Variants in OPCML observed in about 807,000 individuals in gnomAD.
The protein encoded by OPCML is opioid-binding protein/cell adhesion molecule.
In OPCML, 13 loss-of-function variants were observed where a neutral mutation model predicts 37.8. The observed-to-expected ratio is 0.34, with a 90% CI of 0.22 to 0.55. The LOEUF (loss-of-function observed/expected upper bound fraction) is 0.55. Ranked by LOEUF, OPCML falls within the 20% of genes least tolerant of loss-of-function variation. The pLI is 0.91. For synonymous variants in OPCML, 176 were observed against 168.8 expected (o/e 1.04, Z -0.33); for missense variants, 341 against 435.6 (o/e 0.78, Z 1.93).
intron 1 of OPCML, among the ~76,000 whole-genome samples, chr11:133,384,090 T>C (rs1040085592): frequency 6.6e-6 from 1 of 151,902 alleles, no homozygotes; most frequent in South Asian, 2.1e-4. Flanking sequence ...TAAAAACAGA[T>C]ACATACGCCT....
chr11:132,980,658 G>A (rs1591875039), intron 1 of OPCML, among the ~76,000 whole-genome samples: 5 of 152,094 alleles, frequency 3.3e-5, no homozygotes, highest in Admixed American at 1.3e-4. Flanking sequence ...AAGGATGTAC[G>A]TTTCCATCTC....
intron 1 of OPCML, among the ~76,000 whole-genome samples, chr11:133,127,900 C>T (rs532833357): frequency 4.6e-5 from 7 of 152,022 alleles, no homozygotes; most frequent in Middle Eastern, 3.4e-3. Flanking sequence ...CTCTGAGTGA[C>T]GGGTCTGGTT....
In OPCML at chr11:132,898,170, G is replaced by A. The variant is rs186073853; in HGVS notation, c.146+44756C>T. 2.0e-4 allele frequency among the ~76,000 whole-genome samples: 30 copies of A among 152,288 alleles called. No individual in the cohort carries two copies. In the East Asian group the frequency reaches 2.5e-3, roughly 13 times the overall value. On this transcript the variant is annotated intron_variant, in intron 2 of 7. Coordinates refer to ENST00000524381, the MANE Select transcript of OPCML (RefSeq NM_001012393.5). ...CAGTTGGCCTGTTGCAGAGACCAAC[G>A]CTGAAACCCTGACATGACATCATTC...
At chr11:132,569,260 A>C (rs1477636348) in intron 3 of OPCML, among the ~76,000 whole-genome samples, 1 of 152,242 alleles carries the variant, frequency 6.6e-6, no homozygotes, top group Non-Finnish European at 1.5e-5. Flanking sequence ...CCGTGTCCTC[A>C]TAAGAAGAGG....
At chr11:133,098,855 T>C (rs78356606) in intron 1 of OPCML, among the ~76,000 whole-genome samples, 3,213 of 152,106 alleles carry the variant, frequency 0.021, 84 homozygotes, top group African/African-American at 0.063. Flanking sequence ...ATAATGCATA[T>C]AGATGGGGAA....
At chr11:132,532,930 A>C (rs2096329997) in intron 3 of OPCML, among the ~76,000 whole-genome samples, 1 of 152,204 alleles carries the variant, frequency 6.6e-6, no homozygotes, top group Admixed American at 6.5e-5. Context: ...TTTGTGAAGA[A>C]AGGAACACTT....
intron 2 of OPCML, among the ~76,000 whole-genome samples, chr11:132,799,207 T>A (rs1254897819): frequency 1.3e-5 from 2 of 152,072 alleles, no homozygotes; most frequent in Non-Finnish European, 2.9e-5. Flanking sequence ...AGCTTTTTCA[T>A]CTACATTGAA....
chr11:132,866,869 T>C (rs1942583191), intron 2 of OPCML, among the ~76,000 whole-genome samples: 1 of 152,238 alleles, frequency 6.6e-6, no homozygotes, highest in African/African-American at 2.4e-5. Flanking sequence ...GTACTTTGAC[T>C]TCAAGTCCCT....
chr11:132,511,277 C>T (rs1425828744), intron 4 of OPCML, among the ~76,000 whole-genome samples: 1 of 151,812 alleles, frequency 6.6e-6, no homozygotes, highest in Non-Finnish European at 1.5e-5. Context: ...AAAAATTAGC[C>T]AAGACTTAAT....
At chr11:133,311,985 G>A (rs532541539) in intron 1 of OPCML, among the ~76,000 whole-genome samples, 13 of 152,090 alleles carry the variant, frequency 8.5e-5, no homozygotes, top group Non-Finnish European at 1.8e-4. Flanking sequence ...TATTCACTCT[G>A]CTGCAGAATG....
intron 1 of OPCML, among the ~76,000 whole-genome samples, chr11:133,306,276 A>G (rs1450267610): frequency 6.6e-6 from 1 of 152,212 alleles, no homozygotes; most frequent in Non-Finnish European, 1.5e-5. Flanking sequence ...TGGAAATACC[A>G]TAATGACGCA....
chr11:132,866,200 G>A (rs1942542683), intron 2 of OPCML, among the ~76,000 whole-genome samples: 1 of 152,142 alleles, frequency 6.6e-6, no homozygotes, highest in East Asian at 1.9e-4. Context: ...TACATTATGT[G>A]GCCAACAAAA....
At chr11:133,217,582 G>A (rs756593544) in intron 1 of OPCML, among the ~76,000 whole-genome samples, 3 of 152,156 alleles carry the variant, frequency 2.0e-5, no homozygotes, top group South Asian at 2.1e-4. Context: ...GTGGGTACTC[G>A]GCTGCCTGGG....
chr11:133,424,983 T>G (rs900706237), intron 1 of OPCML, among the ~76,000 whole-genome samples: 1 of 152,232 alleles, frequency 6.6e-6, no homozygotes, highest in Non-Finnish European at 1.5e-5. Flanking sequence ...ATGACATGAC[T>G]ATTCCAGGAA....
chr11:133,094,464 C>T (rs919052708), intron 1 of OPCML, among the ~76,000 whole-genome samples: 6 of 152,162 alleles, frequency 3.9e-5, no homozygotes, highest in Admixed American at 1.3e-4. Context: ...GCAAATCATT[C>T]CAGTTTGTCA....
intron 1 of OPCML, among the ~76,000 whole-genome samples, chr11:133,192,139 G>T (rs1938349737): frequency 6.6e-6 from 1 of 152,198 alleles, no homozygotes; most frequent in Non-Finnish European, 1.5e-5. Context: ...GCATTGAATT[G>T]TAAGTGCTTG....
intron 1 of OPCML, among the ~76,000 whole-genome samples, chr11:133,136,067 A>G (rs1222034081): frequency 1.3e-5 from 2 of 152,206 alleles, no homozygotes; most frequent in African/African-American, 2.4e-5. Flanking sequence ...GAATCTAGCT[A>G]TTTACTATGA....
chr11:132,652,111 C>A (rs1039298475), intron 3 of OPCML, among the ~76,000 whole-genome samples: 3 of 152,118 alleles, frequency 2.0e-5, no homozygotes, highest in African/African-American at 7.2e-5. Context: ...GATTCTGGAT[C>A]CACAGAGGGT....
chr11:132,835,845 TA>T (rs1445981583), intron 2 of OPCML, among the ~76,000 whole-genome samples: 1 of 152,154 alleles, frequency 6.6e-6, no homozygotes, highest in Admixed American at 6.6e-5. Context: ...TATCTGATCT[TA>T]AAAAAATCCA....
Sources: gnomAD v4.1 joint callset for allele counts (sites outside exome capture counted in the v4.1 genomes callset) on GRCh38, gnomAD v4.1.1 for gene constraint, MANE v1.5 for transcripts, NCBI Gene and HGNC (gene_info 2026-07-23, HGNC 2026-07-21) for gene names.